Variants in GLIS1 observed in about 807,000 individuals in gnomAD.
GLIS1 encodes the protein zinc finger protein GLIS1.
In GLIS1, 24 loss-of-function variants were observed where a neutral mutation model predicts 63.8. That is an observed-to-expected ratio of 0.38 (90% CI 0.27 to 0.53). The LOEUF (loss-of-function observed/expected upper bound fraction) is 0.53, where lower values mean the gene tolerates loss of function less well. Ranked by LOEUF, GLIS1 falls within the 20% of genes least tolerant of loss-of-function variation. The probability of loss-of-function intolerance (pLI) is 0.85; values close to 1 mark genes in which losing one functional copy is unlikely to be tolerated. For missense variants in GLIS1, 1,036 were observed against 1,074.1 expected, an observed-to-expected ratio of 0.96 and a Z score of 0.50; for synonymous variants, 450 against 482.5, an observed-to-expected ratio of 0.93 and a Z score of 0.88.
Position 53,510,029 on chromosome 1 carries a change from T to TG in GLIS1, c.1884-3dup. 7.9e-7 allele frequency: 1 copy of TG among 1,263,834 alleles called. No individual in the cohort carries two copies. The highest frequency in any genetic ancestry group is 1.0e-6 in the Non-Finnish European group (1 of 996,790). The allele number at this position is 1,263,834 out of a possible 1,614,324, so 78.3% of individuals were successfully genotyped here. ...GGTGAGAGGAGGCCGGGCCCCAACC[T>TG]GGAGAGAACAGAGGTGCCCATCAGC... is the stretch of plus-strand genomic sequence containing the variant. On this transcript the variant is annotated splice_region_variant and splice_polypyrimidine_tract_variant and intron_variant, in intron 8 of 10. Coordinates refer to ENST00000628545, the MANE Select transcript of GLIS1 (RefSeq NM_001367484.1).
chr1:53,654,758 C>G (rs1026680145), intron 2 of GLIS1, among the ~76,000 whole-genome samples: 3 of 152,148 alleles, frequency 2.0e-5, no homozygotes, highest in Admixed American at 1.3e-4. Context: ...TCCAGCGATC[C>G]TCCTAGGAGC....
intron 2 of GLIS1, among the ~76,000 whole-genome samples, chr1:53,640,517 T>G (rs1376528829): frequency 6.6e-6 from 1 of 152,052 alleles, no homozygotes; most frequent in African/African-American, 2.4e-5. Flanking sequence ...AGCACCCCGC[T>G]CTCCTGTGGA....
chr1:53,681,038 T>C (rs1646269760), intron 2 of GLIS1, among the ~76,000 whole-genome samples: 1 of 152,236 alleles, frequency 6.6e-6, no homozygotes, highest in Non-Finnish European at 1.5e-5. Context: ...GCCTTCAGCC[T>C]GACTGCGCTG....
chr1:53,520,831 G>A (rs1263046888), intron 6 of GLIS1, 65 bp from the exon 7 acceptor site: 58 of 1,507,828 alleles, frequency 3.8e-5, no homozygotes, highest in Non-Finnish European at 4.5e-5. Context: ...CAACCCTCAC[G>A]TTAGGGGACA....
At chr1:53,596,093 G>A (rs1222232188) in intron 3 of GLIS1, among the ~76,000 whole-genome samples, 2 of 152,266 alleles carry the variant, frequency 1.3e-5, no homozygotes, top group Non-Finnish European at 2.9e-5. Context: ...CCATGAGAGC[G>A]AGGGTGGTGT....
rs1217185002 is a variant in GLIS1, at chr1:53,618,163, G to A, written c.260-17885C>T. 4.6e-5 allele frequency among the ~76,000 whole-genome samples: 7 copies of A among 152,300 alleles called. No individual in the cohort carries two copies. In the East Asian group the frequency reaches 1.4e-3, roughly 29 times the overall value. On this transcript the variant is annotated intron_variant, in intron 2 of 10. Coordinates refer to ENST00000628545, the MANE Select transcript of GLIS1 (RefSeq NM_001367484.1). ...TCCCCACTGGCCGATCAGCAGAGAG[G>A]GTTTGAGAACCTGAGACGGAGCTCA...
intron 2 of GLIS1, among the ~76,000 whole-genome samples, chr1:53,712,303 G>A (rs1463117317): frequency 1.3e-5 from 2 of 152,240 alleles, no homozygotes; most frequent in Non-Finnish European, 2.9e-5. Context: ...CACTGAGGCT[G>A]AGATTCTGCA....
chr1:53,548,465 C>T (rs1438001289), intron 4 of GLIS1, among the ~76,000 whole-genome samples: 1 of 152,226 alleles, frequency 6.6e-6, no homozygotes, highest in Non-Finnish European at 1.5e-5. Context: ...CCCACAACCT[C>T]GACTCATCCC....
At chr1:53,568,644 C>T (rs767971266) in intron 4 of GLIS1, among the ~76,000 whole-genome samples, 22 of 152,090 alleles carry the variant, frequency 1.4e-4, no homozygotes, top group East Asian at 7.7e-4. Context: ...GGATCATGGG[C>T]GGATTTCCCC....
intron 2 of GLIS1, among the ~76,000 whole-genome samples, chr1:53,631,354 C>T (rs902311903): frequency 6.6e-6 from 1 of 152,176 alleles, no homozygotes; most frequent in African/African-American, 2.4e-5. Context: ...AAATAGTTAA[C>T]CAATTGCCCC....
intron 2 of GLIS1, among the ~76,000 whole-genome samples, chr1:53,702,596 T>C (rs1225247646): frequency 1.3e-5 from 2 of 152,122 alleles, no homozygotes; most frequent in Admixed American, 6.5e-5. Context: ...GTCACACTCA[T>C]AGCAACGACC....
At chr1:53,612,520 G>A (rs1202344580) in intron 2 of GLIS1, among the ~76,000 whole-genome samples, 1 of 152,128 alleles carries the variant, frequency 6.6e-6, no homozygotes, top group Non-Finnish European at 1.5e-5. Flanking sequence ...GACTACAGGT[G>A]TGAGCCACCG....
At chr1:53,563,417 C>G (rs905929030) in intron 4 of GLIS1, among the ~76,000 whole-genome samples, 1 of 152,192 alleles carries the variant, frequency 6.6e-6, no homozygotes, top group Non-Finnish European at 1.5e-5. Flanking sequence ...AAGGAACCAA[C>G]AGAATTTCCA....
intron 3 of GLIS1, 122 bp downstream of exon 3, chr1:53,599,979 C>T (rs1645299362): frequency 4.2e-6 from 2 of 481,716 alleles, no homozygotes; most frequent in Middle Eastern, 5.6e-4. Context: ...TTCTGAGCTA[C>T]GGGCCCCTCG....
rs370199962 is a variant in GLIS1 at position 53,653,642 on chromosome 1, G to A, written c.260-53364C>T. 1.4e-4 allele frequency among the ~76,000 whole-genome samples: 22 copies of A among 152,032 alleles called. No individual in the cohort carries two copies. In the East Asian group the frequency reaches 2.7e-3, roughly 19 times the overall value. ...CACCCCACTGCCTGTCTTCCTGATC[G>A]CCATGTGAATTCCTTCTTCCTGCGG... On this transcript the variant is annotated intron_variant, in intron 2 of 10. Transcript: ENST00000628545.
chr1:53,708,794 T>C lies in GLIS1; in HGVS notation c.259+29012A>G, dbSNP rs1646607858. On this transcript the variant is annotated intron_variant, in intron 2 of 10. Coordinates refer to ENST00000628545, the MANE Select transcript of GLIS1 (RefSeq NM_001367484.1). Reference sequence around the variant, plus strand: ...GTCCTTATGGATAAAGTGCACTCCATCCGGAACACAGCACACACTGGCAGA... The same window carrying C: ...GTCCTTATGGATAAAGTGCACTCCACCCGGAACACAGCACACACTGGCAGA... Among the ~76,000 whole-genome samples, 4 of 152,088 alleles carry C rather than the reference T, an allele frequency of 2.6e-5. No individual in the cohort carries two copies. The South Asian group carries it at 8.3e-4, about 32-fold the overall frequency.
chr1:53,651,523 C>T (rs1645907178), intron 2 of GLIS1, among the ~76,000 whole-genome samples: 1 of 152,092 alleles, frequency 6.6e-6, no homozygotes, highest in Admixed American at 6.6e-5. Flanking sequence ...TCTGGGGGGG[C>T]GACTGCCTCT....
chr1:53,575,641 A>T (rs1323450338), intron 4 of GLIS1, among the ~76,000 whole-genome samples: 3 of 152,206 alleles, frequency 2.0e-5, no homozygotes, highest in Non-Finnish European at 4.4e-5. Flanking sequence ...GAGCACTTCC[A>T]GGGCAAGATT....
At chr1:53,593,814 G>T (rs147542986) in intron 4 of GLIS1, among the ~76,000 whole-genome samples, 1 of 152,220 alleles carries the variant, frequency 6.6e-6, no homozygotes, top group Non-Finnish European at 1.5e-5. Flanking sequence ...TTTTCCAATC[G>T]CATGTGCACA....
Sources: gnomAD v4.1 joint callset for allele counts (sites outside exome capture counted in the v4.1 genomes callset) on GRCh38, gnomAD v4.1.1 for gene constraint, MANE v1.5 for transcripts, NCBI Gene and HGNC (gene_info 2026-07-23, HGNC 2026-07-21) for gene names.